ZBTB40: variants seen among roughly 807,000 people sequenced by gnomAD.
ZBTB40 encodes zinc finger and BTB domain-containing protein 40.
A neutral mutation model predicts 117.5 loss-of-function variants in ZBTB40; 60 were observed. The observed-to-expected ratio is 0.51, with a 90% CI of 0.41 to 0.63. The LOEUF (loss-of-function observed/expected upper bound fraction) is 0.63, where lower values mean the gene tolerates loss of function less well. ZBTB40 is among the 30% of genes least tolerant of loss of function. ZBTB40 has a pLI of 0.00. For missense variants in ZBTB40, 1,287 were observed against 1,498.5 expected (o/e 0.86, Z 2.33); for synonymous variants, 525 against 577.1 (o/e 0.91, Z 1.29).
At chr1:22,470,604 A>G (rs1641378201) in intron 1 of ZBTB40, among the ~76,000 whole-genome samples, 1 of 152,206 alleles carries the variant, frequency 6.6e-6, no homozygotes, top group South Asian at 2.1e-4. Flanking sequence ...GGCCAGTAGG[A>G]GGGTACTCTG....
intron 1 of ZBTB40, among the ~76,000 whole-genome samples, chr1:22,439,865 T>G (rs1384555972): frequency 6.6e-6 from 1 of 152,208 alleles, no homozygotes; most frequent in Non-Finnish European, 1.5e-5. Flanking sequence ...TTTCTATTCT[T>G]GCAAAAAATG....
At chr1:22,507,133 C>G (rs1474284402) in intron 6 of ZBTB40, among the ~76,000 whole-genome samples, 1 of 152,076 alleles carries the variant, frequency 6.6e-6, no homozygotes, top group Non-Finnish European at 1.5e-5. Flanking sequence ...GCATTGGTGT[C>G]AAGACTACCT....
intron 1 of ZBTB40, among the ~76,000 whole-genome samples, chr1:22,473,063 G>A (rs545764820): frequency 6.6e-6 from 1 of 152,320 alleles, no homozygotes; most frequent in Middle Eastern, 3.4e-3. Flanking sequence ...TGACTTTCTA[G>A]AGGTGAAGTG....
chr1:22,511,927 A>G lies in ZBTB40; in HGVS notation c.2254A>G (p.Lys752Glu). The G allele has an allele frequency of 6.2e-7, 1 of 1,614,188 alleles. No homozygotes were observed. Among genetic ancestry groups the G allele is most frequent in the Non-Finnish European group, 8.5e-7 (1 of 1,180,030 alleles). The change falls in exon 11 of 18, where the codon AAG (lysine) becomes GAG (glutamate). Residue 752 changes from lysine (K) to glutamate (E), a missense_variant. Physicochemically the swap from Lys to Glu is moderately conservative, Grantham distance 56. Coordinates refer to ENST00000375647, the MANE Select transcript of ZBTB40 (RefSeq NM_014870.4). The part of the protein sequence containing the change: ...DKSFHFYCRL[K>E]VHMKRCRVAK... The stretch of plus-strand genomic sequence containing the variant: ...AAGCTTCCATTTCTACTGCCGCCTA[A>G]AGGTGCACATGAAGCGCTGCCGGGT...
At chr1:22,512,841 CAG>C in intron 11 of ZBTB40, 81 bp from the exon 12 acceptor site, 2 of 1,506,474 alleles carry the variant, frequency 1.3e-6, no homozygotes, top group Non-Finnish European at 1.8e-6. Flanking sequence ...TGGGCTGAGA[CAG>C]TGCTCTTGGT....
intron 14 of ZBTB40, 129 bp downstream of exon 14, chr1:22,520,404 C>T: frequency 2.5e-6 from 2 of 784,580 alleles, no homozygotes; most frequent in Admixed American, 4.0e-5. Flanking sequence ...TTGGCTGATT[C>T]TCATGAAGGA....
At chr1:22,497,103 C>A (rs1638798482) in intron 3 of ZBTB40, among the ~76,000 whole-genome samples, 1 of 152,204 alleles carries the variant, frequency 6.6e-6, no homozygotes, top group Admixed American at 6.5e-5. Flanking sequence ...AATTGTCTTC[C>A]TTCTTTATTC....
Position 22,512,102 on chromosome 1 carries a change from A to G in ZBTB40, c.2429A>G (p.Asp810Gly). The change falls in exon 11 of 18, where the codon GAC becomes GGC. Residue 810 changes from aspartate (D) to glycine (G), a missense_variant. Transcript: ENST00000375647. ...AAGAAGAGGCTTCCAGTGACATGTG[A>G]CCTCTGTGGCAGAGAATTTGCCCAT... ...KKKKRLPVTCDLCGREFAHAS... is the reference protein window; with the variant it reads ...KKKKRLPVTCGLCGREFAHAS... 1.2e-6 allele frequency: 2 copies of G among 1,613,428 alleles called. No homozygotes were observed. The highest frequency in any genetic ancestry group is 1.7e-6 in the Non-Finnish European group (2 of 1,180,024).
At chr1:22,482,478 A>G (rs1378862480) in intron 1 of ZBTB40, among the ~76,000 whole-genome samples, 1 of 152,186 alleles carries the variant, frequency 6.6e-6, no homozygotes, top group East Asian at 1.9e-4. Flanking sequence ...TGATGAACCT[A>G]CATTGACACA....
intron 1 of ZBTB40, among the ~76,000 whole-genome samples, chr1:22,461,134 G>A (rs562499526): frequency 2.0e-5 from 3 of 152,204 alleles, no homozygotes; most frequent in African/African-American, 7.2e-5. Context: ...TATAAGTTTG[G>A]CATGGTACTT....
intron 1 of ZBTB40, among the ~76,000 whole-genome samples, chr1:22,453,730 AT>A (rs1437200650): frequency 2.0e-5 from 3 of 152,348 alleles, no homozygotes; most frequent in South Asian, 4.1e-4. Context: ...TAGCTAAGGC[AT>A]TCAGCTGAGA....
At chr1:22,433,020 T>C (rs898795790) in intron 1 of ZBTB40, among the ~76,000 whole-genome samples, 1 of 152,196 alleles carries the variant, frequency 6.6e-6, no homozygotes, top group Non-Finnish European at 1.5e-5. Flanking sequence ...TCTATATCTT[T>C]GTAAAGTTAA....
Position 22,471,225 on chromosome 1 carries a change from A to G in ZBTB40, c.-69-18655A>G, listed in dbSNP as rs551360136. ...GCCTATTCCAATAGCACTCTTTCCC[A>G]GATAACATATCACCATCCATCCTTT... On this transcript the variant is annotated intron_variant, in intron 1 of 17. Coordinates refer to ENST00000375647, the MANE Select transcript of ZBTB40 (RefSeq NM_014870.4). Among the ~76,000 whole-genome samples, 10 of 152,358 alleles carry G rather than the reference A, an allele frequency of 6.6e-5. No individual in the cohort carries two copies. The South Asian group carries it at 8.3e-4, about 13-fold the overall frequency.
Position 22,501,661 on chromosome 1 carries a change from A to G in ZBTB40, c.1001A>G (p.Asp334Gly). 1 of 1,613,930 alleles carries G rather than the reference A, an allele frequency of 6.2e-7. No individual in the cohort carries two copies. Among genetic ancestry groups the G allele is most frequent in the South Asian group, 1.1e-5 (1 of 91,074 alleles). The change falls in exon 4 of 18, where the codon GAT becomes GGT. Residue 334 changes from aspartate to glycine, a missense_variant. Transcript: ENST00000375647. ...GCACTATTAGACAGGAAGCCAGAAG[A>G]TGTAGACACAGTGCAGCCAAAAGGT... ...KTALLDRKPE[D>G]VDTVQPKGST... is the part of the protein sequence containing the mutation.
chr1:22,433,432 C>CAAAAAAAAAAAAAA lies in ZBTB40; in HGVS notation c.-70+4430_-70+4443dup, dbSNP rs767913519. Reference sequence around the variant, plus strand: ...TGGGCGACAGAGCAAGACGCCCTCTCAAAAAAAAAAAAAAAAAAAAAAAAA... The same window carrying CAAAAAAAAAAAAAA: ...TGGGCGACAGAGCAAGACGCCCTCTCAAAAAAAAAAAAAAAAAAAAAAAAAAAAAAAAAAAAAAA... On this transcript the variant is annotated intron_variant, in intron 1 of 8. Transcript: ENST00000650433. Among the ~76,000 whole-genome samples, 55 of 8,756 alleles carry CAAAAAAAAAAAAAA rather than the reference C, an allele frequency of 6.3e-3. 16 individuals are homozygous for CAAAAAAAAAAAAAA. Among genetic ancestry groups the CAAAAAAAAAAAAAA allele is most frequent in the East Asian group, 0.059 (6 of 102 alleles). 5.7% of individuals were successfully genotyped at this position (8,756 alleles called of 152,430 possible). A position where few individuals can be genotyped will look rare whatever the true frequency, so the allele number is the denominator to read the frequency against.
At chr1:22,523,304 A>G (rs1639590891) in intron 16 of ZBTB40, among the ~76,000 whole-genome samples, 1 of 152,122 alleles carries the variant, frequency 6.6e-6, no homozygotes, top group Non-Finnish European at 1.5e-5. Flanking sequence ...TGCCAGTTAA[A>G]CTGTGCTTTC....
chr1:22,500,725 C>G (rs1318959454), intron 3 of ZBTB40, among the ~76,000 whole-genome samples: 3 of 152,170 alleles, frequency 2.0e-5, no homozygotes. Context: ...TGTGAAGCCC[C>G]TTCAGGCTGA....
chr1:22,526,519 C>G lies in ZBTB40; in HGVS notation c.*123C>G, dbSNP rs997019457. On this transcript the variant is annotated 3_prime_UTR_variant, in exon 18 of 18. Transcript: ENST00000375647. ...AGCATCTTAGCTTAGCACCAACCAACACAGTCTCACCTAGAAAACAGATGG... is the reference window on the plus strand; with the variant it reads ...AGCATCTTAGCTTAGCACCAACCAAGACAGTCTCACCTAGAAAACAGATGG... The G allele has an allele frequency of 8.0e-7, 1 of 1,254,038 alleles. No homozygotes were observed. The highest frequency in any genetic ancestry group is 1.5e-5 in the African/African-American group (1 of 67,864). The allele number at this position is 1,254,038 out of a possible 1,614,324, so 77.7% of individuals were successfully genotyped here.
rs1025137086 is a variant in ZBTB40, at chr1:22,515,386, T to C, written c.2669-1914T>C. On this transcript the variant is annotated intron_variant, in intron 12 of 17. Coordinates refer to ENST00000375647, the MANE Select transcript of ZBTB40 (RefSeq NM_014870.4). ...TAGTTTATCCTGCTGCTGTAACAAA[T>C]TACCACAAATGCTGGCCTAAAACAA... 2.0e-5 allele frequency among the ~76,000 whole-genome samples: 3 copies of C among 152,324 alleles called. 1 individual carries two copies. Among genetic ancestry groups the C allele is most frequent in the Non-Finnish European group, 1.5e-5 (1 of 68,026 alleles).
Sources: allele counts gnomAD v4.1 joint callset (sites outside exome capture counted in the v4.1 genomes callset), GRCh38; gene constraint gnomAD v4.1.1; transcripts MANE v1.5; gene names NCBI Gene and HGNC (gene_info 2026-07-23, HGNC 2026-07-21).